Variants in METTL17 observed in about 807,000 individuals in gnomAD.
METTL17 encodes methyltransferase like 17.
In METTL17, 49 loss-of-function variants were observed where a neutral mutation model predicts 59.4. The observed-to-expected ratio is 0.82, with a 90% CI of 0.66 to 1.05. The LOEUF is 1.05. METTL17 is among the 50% of genes least tolerant of loss of function. The pLI is 0.00. For missense variants in METTL17, 555 were observed against 578.4 expected, an observed-to-expected ratio of 0.96 and a Z score of 0.41; for synonymous variants, 208 against 209.2, an observed-to-expected ratio of 0.99 and a Z score of 0.05.
chr14:20,996,775 G>C lies in METTL17; in HGVS notation c.1266-10G>C. 3 of 1,614,208 alleles carry C rather than the reference G, an allele frequency of 1.9e-6. No individual in the cohort carries two copies. The highest frequency in any genetic ancestry group is 2.5e-6 in the Non-Finnish European group (3 of 1,180,028). On this transcript the variant is annotated splice_polypyrimidine_tract_variant and intron_variant, in intron 13 of 13. Coordinates refer to ENST00000339374, the MANE Select transcript of METTL17 (RefSeq NM_022734.3). The stretch of plus-strand genomic sequence containing the variant: ...GAAGCTGCAGCCCACGCCAGCATCT[G>C]TTTCCACAGGGATTTGTATCGTTGT...
chr14:20,993,443 T>G (rs1880149533), intron 6 of METTL17: 1 of 481,382 alleles, frequency 2.1e-6, no homozygotes, highest in South Asian at 3.9e-5. Context: ...CAATCAAAGT[T>G]GTTTTTGCCT....
chr14:20,993,195 A>T lies in METTL17; in HGVS notation c.602+4A>T, dbSNP rs1416385257. ...CAGGTACTGGTTCTGTCACCTGGTGAGTAACTTTCTTCAGCCCTATCTTGG... is the reference window on the plus strand; with the variant it reads ...CAGGTACTGGTTCTGTCACCTGGTGTGTAACTTTCTTCAGCCCTATCTTGG... On this transcript the variant is annotated splice_donor_region_variant and intron_variant, in intron 6 of 13. Coordinates refer to ENST00000339374, the MANE Select transcript of METTL17 (RefSeq NM_022734.3). 6.2e-7 allele frequency: 1 copy of T among 1,613,732 alleles called. No individual in the cohort carries two copies. The highest frequency in any genetic ancestry group is 1.3e-5 in the African/African-American group (1 of 74,912).
intron 11 of METTL17, 60 bp downstream of exon 11, chr14:20,996,011 T>C (rs377265875): frequency 7.5e-5 from 118 of 1,571,712 alleles, no homozygotes; most frequent in Non-Finnish European, 1.0e-4. Context: ...GGCCGGGAAA[T>C]GTAAGATGGT....
intron 10 of METTL17, 106 bp from the exon 11 acceptor site, chr14:20,995,795 T>C (rs931648674): frequency 2.2e-5 from 18 of 827,546 alleles, no homozygotes; most frequent in Middle Eastern, 2.2e-4. Context: ...TCAATCGTTA[T>C]TAGAATTGAG....
Position 20,992,143 on chromosome 14 carries a change from GA to G in METTL17, c.387del (p.Lys129AsnfsTer20). 6.2e-7 allele frequency: 1 copy of G among 1,613,330 alleles called. No homozygotes were observed. Among genetic ancestry groups the G allele is most frequent in the South Asian group, 1.1e-5 (1 of 90,848 alleles). Reference sequence around the variant, plus strand: ...CCACAGACTTATCTCAGACAGAGGAGAAACTTCGTGGAGCAGTGCTACACGC... The same window carrying G: ...CCACAGACTTATCTCAGACAGAGGAGAACTTCGTGGAGCAGTGCTACACGC... The part of the protein sequence containing the change: ...ENPDLSQTEE[K>X]LRGAVLHALR... On this transcript the variant is annotated frameshift_variant, in exon 4 of 14. Transcript: ENST00000339374. LOFTEE classifies it high-confidence loss of function.
intron 3 of METTL17, chr14:20,991,770 C>T: frequency 4.6e-6 from 1 of 217,344 alleles, no homozygotes. Flanking sequence ...ACCTCGTGAT[C>T]CGCCTGCCTC....
chr14:20,994,968 T>C, intron 9 of METTL17, 67 bp downstream of exon 9: 1 of 1,328,264 alleles, frequency 7.5e-7, no homozygotes, highest in Admixed American at 2.0e-5. Flanking sequence ...CCTTTGCTCC[T>C]CTCATTGTCT....
rs754493204 is a variant in METTL17, at chr14:20,990,133, C to A, written c.75+56C>A. On this transcript the variant is annotated intron_variant, in intron 1 of 13. Coordinates refer to ENST00000339374, the MANE Select transcript of METTL17 (RefSeq NM_022734.3). ...GACTCTGGATCTGCAGAGACATCTC[C>A]GCGCAGAGGAGGAGCGCTCCTGGCA... is the stretch of plus-strand genomic sequence containing the variant. The A allele has an allele frequency of 3.1e-6, 5 of 1,611,148 alleles. No homozygotes were observed. In the East Asian group the frequency reaches 8.9e-5, roughly 29 times the overall value.
rs149202602 is a variant in METTL17 at position 20,995,212 on chromosome 14, T to G, written c.924T>G (p.Asp308Glu). The change falls in exon 10 of 14, where the codon GAT (aspartate) becomes GAG (glutamate). Residue 308 changes from aspartate to glutamate, a missense_variant. Asp to Glu is a conservative substitution (Grantham distance 45, BLOSUM62 2). Coordinates refer to ENST00000339374, the MANE Select transcript of METTL17 (RefSeq NM_022734.3). Reference protein sequence around the residue: ...GTKAGHSLLMDARDLVLKGKE... With the variant: ...GTKAGHSLLMEARDLVLKGKE... ...AAGCTGGGCACAGCCTTCTCATGGA[T>G]GCCAGGGATCTGGTCCTTAAGGTAA... The G allele has an allele frequency of 3.7e-6, 6 of 1,614,094 alleles. No homozygotes were observed. In the African/African-American group the frequency reaches 8.0e-5, roughly 22 times the overall value.
At chr14:20,995,747 G>A (rs1880330868) in intron 10 of METTL17, 154 bp from the exon 11 acceptor site, 10 of 629,558 alleles carry the variant, frequency 1.6e-5, no homozygotes, top group Admixed American at 8.3e-5. Flanking sequence ...TTTGTTTGGA[G>A]TATTAAAGAT....
At position 20,994,058 on chromosome 14, in the gene METTL17, T is replaced by G; in HGVS notation, c.692T>G (p.Leu231Arg). The G allele has an allele frequency of 1.2e-6, 2 of 1,613,250 alleles. No individual in the cohort carries two copies. Among genetic ancestry groups the G allele is most frequent in the Non-Finnish European group, 1.7e-6 (2 of 1,179,298 alleles). Residue 231 changes from leucine to arginine, a missense_variant, in exon 7 of 14, where the codon CTG becomes CGG. Physicochemically the swap from Leu to Arg is moderately radical, Grantham distance 102. Coordinates refer to ENST00000339374, the MANE Select transcript of METTL17 (RefSeq NM_022734.3). ...AAMLVLAEKL[L>R]KGGSESGEPY... ...ATGTTGGTTTTGGCAGAAAAACTAC[T>G]GAAAGGTGAGTGCAAGAGCACTTCC...
At position 20,990,106 on chromosome 14, in the gene METTL17, G is replaced by A. The variant is rs200225916; in HGVS notation, c.75+29G>A. 287 of 1,612,444 alleles carry A rather than the reference G, an allele frequency of 1.8e-4. 1 individual carries two copies. The African/African-American group carries it at 2.9e-3, about 16-fold the overall frequency. On this transcript the variant is annotated intron_variant, in intron 1 of 13. Coordinates refer to ENST00000339374, the MANE Select transcript of METTL17 (RefSeq NM_022734.3). ...AGTGCCTACATTCCCTGCTGTCGGA[G>A]AGACTCTGGATCTGCAGAGACATCT...
chr14:20,996,544 A>C lies in METTL17; in HGVS notation c.1098A>C (p.Glu366Asp). The C allele has an allele frequency of 6.2e-7, 1 of 1,610,882 alleles. No individual in the cohort carries two copies. The highest frequency in any genetic ancestry group is 8.5e-7 in the Non-Finnish European group (1 of 1,177,364). Residue 366 changes from glutamate to aspartate, a missense_variant, in exon 13 of 14, where the codon GAA (glutamate) becomes GAC (aspartate). Glu to Asp is a conservative substitution (Grantham distance 45, BLOSUM62 2). Coordinates refer to ENST00000339374, the MANE Select transcript of METTL17 (RefSeq NM_022734.3). The stretch of plus-strand genomic sequence containing the variant: ...TATCTTAGAACAAGAAACCAAAGGA[A>C]GAAAAGTTCTCTATGGTGATCCTTG... The part of the protein sequence containing the change: ...IPFSWNKKPK[E>D]EKFSMVILAR...
chr14:20,990,432 A>G (rs1279227831), intron 2 of METTL17, 32 bp from the exon 3 acceptor site: 1 of 1,613,740 alleles, frequency 6.2e-7, no homozygotes, highest in Non-Finnish European at 8.5e-7. Flanking sequence ...ACCTACATGC[A>G]AGTGATTCCG....
chr14:20,993,174 T>C lies in METTL17; in HGVS notation c.585T>C (p.Gly195=). Residue 195 remains glycine, a synonymous_variant, in exon 6 of 14, where the codon GGT becomes GGC. Coordinates refer to ENST00000339374, the MANE Select transcript of METTL17 (RefSeq NM_022734.3). ...QPQTLMDFGS[G]TGSVTWAAHS... is the part of the protein sequence containing the mutation. The stretch of plus-strand genomic sequence containing the variant: ...AAACTTTGATGGACTTTGGCTCAGG[T>C]ACTGGTTCTGTCACCTGGTGAGTAA... 6.2e-7 allele frequency: 1 copy of C among 1,614,146 alleles called. No individual in the cohort carries two copies. Among genetic ancestry groups the C allele is most frequent in the Non-Finnish European group, 8.5e-7 (1 of 1,180,014 alleles).
In METTL17 at chr14:20,996,216, A is replaced by G. The variant is rs1566434700; in HGVS notation, c.1004A>G (p.His335Arg). 16 of 1,613,686 alleles carry G rather than the reference A, an allele frequency of 9.9e-6. No individual in the cohort carries two copies. Among genetic ancestry groups the G allele is most frequent in the Non-Finnish European group, 1.4e-5 (16 of 1,179,788 alleles). Residue 335 changes from histidine to arginine, a missense_variant, in exon 12 of 14, where the codon CAT becomes CGT. Physicochemically the swap from His to Arg is conservative, Grantham distance 29. Transcript: ENST00000339374. ...RPGFVFAPCP[H>R]ELPCPQLTNL... Reference sequence around the variant, plus strand: ...TTTTTTATGTGTTCACAGTGTCCCCATGAACTCCCTTGTCCCCAGTTGACC... The same window carrying G: ...TTTTTTATGTGTTCACAGTGTCCCCGTGAACTCCCTTGTCCCCAGTTGACC...
intron 6 of METTL17, 52 bp from the exon 7 acceptor site, chr14:20,993,917 G>A: frequency 2.8e-6 from 4 of 1,419,816 alleles, no homozygotes; most frequent in Non-Finnish European, 3.0e-6. Context: ...CTCTTGTAGA[G>A]ATGACTCTTG....
chr14:20,995,842 T>G, intron 10 of METTL17, 59 bp from the exon 11 acceptor site: 1 of 1,414,484 alleles, frequency 7.1e-7, no homozygotes, highest in African/African-American at 1.4e-5. Context: ...GTGCAGAGAT[T>G]GAATTATGAA....
intron 4 of METTL17, 67 bp downstream of exon 4, chr14:20,992,272 A>T (rs1880072329): frequency 5.3e-6 from 5 of 947,468 alleles, no homozygotes; most frequent in Non-Finnish European, 8.3e-6. Flanking sequence ...TTGGGGGAGT[A>T]CAATTACACA....
Sources: gnomAD v4.1 joint callset for allele counts on GRCh38, gnomAD v4.1.1 for gene constraint, MANE v1.5 for transcripts, NCBI Gene and HGNC (gene_info 2026-07-23, HGNC 2026-07-21) for gene names.